Variants in THADA observed in about 807,000 individuals in gnomAD.
The protein encoded by THADA is tRNA (32-2'-O)-methyltransferase regulator THADA.
In THADA, 213 loss-of-function variants were observed where a neutral mutation model predicts 219.8. The ratio of observed to expected loss-of-function variants is 0.97; its 90% CI spans 0.87 to 1.09. The LOEUF (loss-of-function observed/expected upper bound fraction) is 1.09. THADA is among the 50% of genes least tolerant of loss of function. The pLI, the probability that THADA is intolerant of heterozygous loss-of-function variation, is 0.00. For synonymous variants in THADA, 1,018 were observed against 828.9 expected, an observed-to-expected ratio of 1.23 and a Z score of -3.92; for missense variants, 2,956 against 2,311.3, an observed-to-expected ratio of 1.28 and a Z score of -5.72.
chr2:43,265,097 CAG>C (rs1390378400), intron 36 of THADA, among the ~76,000 whole-genome samples: 1 of 152,202 alleles, frequency 6.6e-6, no homozygotes, highest in Non-Finnish European at 1.5e-5. Flanking sequence ...GCTAGTTTCT[CAG>C]AGTCGAATTT....
intron 35 of THADA, among the ~76,000 whole-genome samples, chr2:43,284,752 G>T (rs1404002612): frequency 6.6e-6 from 1 of 152,138 alleles, no homozygotes; most frequent in Admixed American, 6.5e-5. Context: ...TGTGTGCCTG[G>T]AAAAGCCGCA....
At chr2:43,449,536 C>A (rs1367289618) in intron 26 of THADA, among the ~76,000 whole-genome samples, 2 of 152,098 alleles carry the variant, frequency 1.3e-5, no homozygotes, top group African/African-American at 4.8e-5. Flanking sequence ...TGTCAAAAGA[C>A]AAAGACAAAG....
At chr2:43,370,391 C>T (rs1670656837) in intron 29 of THADA, among the ~76,000 whole-genome samples, 1 of 152,106 alleles carries the variant, frequency 6.6e-6, no homozygotes, top group Non-Finnish European at 1.5e-5. Flanking sequence ...GATAGTGCAC[C>T]ATAAAAATTC....
intron 22 of THADA, 129 bp from the exon 23 acceptor site, chr2:43,508,909 T>C (rs1444076135): frequency 4.8e-6 from 4 of 840,068 alleles, no homozygotes; most frequent in Admixed American, 3.0e-5. Context: ...AACTAAAACA[T>C]GTCTCATACT....
At chr2:43,476,501 T>C (rs907503840) in intron 26 of THADA, among the ~76,000 whole-genome samples, 1 of 152,044 alleles carries the variant, frequency 6.6e-6, no homozygotes, top group African/African-American at 2.4e-5. Context: ...AAGTTGTCTG[T>C]ATTTAAATTT....
At chr2:43,583,990 A>T (rs981710014) in intron 7 of THADA, among the ~76,000 whole-genome samples, 2 of 151,060 alleles carry the variant, frequency 1.3e-5, no homozygotes, top group African/African-American at 2.4e-5. Context: ...CAGTGAGCCA[A>T]AATCCTGCAC....
intron 28 of THADA, among the ~76,000 whole-genome samples, chr2:43,410,947 A>G (rs929927416): frequency 2.6e-5 from 4 of 152,222 alleles, no homozygotes; most frequent in South Asian, 2.1e-4. Flanking sequence ...TTGCTTTCTT[A>G]GCCTCCAGCT....
chr2:43,450,138 A>G lies in THADA; in HGVS notation c.3837-19836T>C, dbSNP rs541614088. Among the ~76,000 whole-genome samples the G allele has an allele frequency of 3.3e-5, 5 of 152,318 alleles. No homozygotes were observed. In the East Asian group the frequency reaches 9.6e-4, roughly 29 times the overall value. On this transcript the variant is annotated intron_variant, in intron 26 of 37. Coordinates refer to ENST00000405975, the MANE Select transcript of THADA (RefSeq NM_022065.5). Reference sequence around the variant, plus strand: ...ATGGGGAGTTACAAAAGCTAGGATCATTGTAACTCTGGTTTATAACTCCAC... The same window carrying G: ...ATGGGGAGTTACAAAAGCTAGGATCGTTGTAACTCTGGTTTATAACTCCAC...
At chr2:43,509,528 T>A (rs1220322303) in intron 22 of THADA, among the ~76,000 whole-genome samples, 1 of 152,110 alleles carries the variant, frequency 6.6e-6, no homozygotes, top group African/African-American at 2.4e-5. Flanking sequence ...TATATGAAAA[T>A]TTACAGATAA....
chr2:43,387,265 G>A (rs764464759), intron 29 of THADA, among the ~76,000 whole-genome samples: 40 of 152,264 alleles, frequency 2.6e-4, no homozygotes, highest in Non-Finnish European at 4.6e-4. Context: ...ACTCTGAGGA[G>A]GGCAGAATTC....
intron 24 of THADA, among the ~76,000 whole-genome samples, chr2:43,504,749 C>T (rs1286786652): frequency 3.3e-5 from 5 of 152,178 alleles, no homozygotes; most frequent in Non-Finnish European, 1.5e-5. Context: ...CCAGGCATGG[C>T]GGCCCATGCC....
intron 30 of THADA, among the ~76,000 whole-genome samples, chr2:43,340,858 G>T (rs937406599): frequency 1.3e-5 from 2 of 152,162 alleles, no homozygotes; most frequent in African/African-American, 4.8e-5. Flanking sequence ...GGACGAGAGG[G>T]GGTGTGTCTG....
At chr2:43,291,796 A>C (rs1674761281) in intron 33 of THADA, 28 bp from the exon 34 acceptor site, 12 of 1,520,884 alleles carry the variant, frequency 7.9e-6, no homozygotes, top group Non-Finnish European at 1.1e-5. Context: ...CAAAAAAACA[A>C]CACAAAATTA....
In THADA at chr2:43,528,126, C is replaced by CTTT. The variant is rs367822642; in HGVS notation, c.3265-141_3265-139dup. 2.7e-3 allele frequency: 432 copies of CTTT among 162,772 alleles called. 1 individual carries two copies. Among genetic ancestry groups the CTTT allele is most frequent in the African/African-American group, 6.9e-3 (155 of 22,622 alleles). The allele number at this position is 162,772 out of a possible 1,614,324, so 10.1% of individuals were successfully genotyped here. On this transcript the variant is annotated intron_variant, in intron 21 of 37. Transcript: ENST00000405975. ...ACCATATGACAGAACATGTTTTAAG[C>CTTT]TTTTTTTTTTTTTTTTTTTTTTGAG...
chr2:43,231,758 C>G (rs1278753194), intron 37 of THADA, among the ~76,000 whole-genome samples: 1 of 152,180 alleles, frequency 6.6e-6, no homozygotes, highest in Admixed American at 6.5e-5. Flanking sequence ...TCTCCAAACA[C>G]AGGACACTAG....
chr2:43,380,656 C>T (rs1671899019), intron 29 of THADA, among the ~76,000 whole-genome samples: 1 of 152,116 alleles, frequency 6.6e-6, no homozygotes, highest in African/African-American at 2.4e-5. Flanking sequence ...ACGGTAACAC[C>T]CTAGTAGCCA....
At chr2:43,542,759 C>T (rs959880159) in intron 20 of THADA, among the ~76,000 whole-genome samples, 7 of 152,200 alleles carry the variant, frequency 4.6e-5, no homozygotes, top group Non-Finnish European at 8.8e-5. Context: ...TCTTATATCA[C>T]CTGGGCTGTC....
At chr2:43,382,442 A>C (rs1672154675) in intron 29 of THADA, among the ~76,000 whole-genome samples, 1 of 152,196 alleles carries the variant, frequency 6.6e-6, no homozygotes, top group African/African-American at 2.4e-5. Context: ...ACTGAAACAA[A>C]ATCAGATATA....
intron 11 of THADA, 59 bp from the exon 12 acceptor site, chr2:43,573,051 G>T (rs1014523913): frequency 3.8e-6 from 5 of 1,302,120 alleles, no homozygotes; most frequent in South Asian, 3.8e-5. Flanking sequence ...ATAATTATCA[G>T]CTGCTAATTT....
Sources: allele counts gnomAD v4.1 joint callset (sites outside exome capture counted in the v4.1 genomes callset), GRCh38; gene constraint gnomAD v4.1.1; transcripts MANE v1.5; gene names NCBI Gene and HGNC (gene_info 2026-07-23, HGNC 2026-07-21).